GANAB: variants seen among roughly 807,000 people sequenced by gnomAD.
The protein encoded by GANAB is glucosidase II alpha subunit.
GANAB carries 35 observed loss-of-function variants against 129.9 expected under a neutral mutation model. The ratio of observed to expected loss-of-function variants is 0.27; its 90% CI spans 0.21 to 0.36. GANAB has a LOEUF of 0.36. GANAB is among the 10% of genes least tolerant of loss of function. The probability of loss-of-function intolerance (pLI) is 1.00; values close to 1 mark genes in which losing one functional copy is unlikely to be tolerated. For synonymous variants in GANAB, 482 were observed against 451.8 expected (o/e 1.07, Z -0.85); for missense variants, 939 against 1,221.0 (o/e 0.77, Z 3.44).
rs573410294 is a variant in GANAB at position 62,639,065 on chromosome 11, G to A, written c.298C>T (p.Arg100Trp). Residue 100 changes from arginine to tryptophan, a missense_variant, in exon 4 of 24, where the codon CGG (arginine) becomes TGG (tryptophan). Arg to Trp is a moderately radical substitution (Grantham distance 101, BLOSUM62 -3). Transcript: ENST00000356638. The part of the protein sequence containing the change: ...ELQGLQKNMT[R>W]FRIDELEPRR... Reference sequence around the variant, plus strand: ...GGCTCCAGCTCATCAATCCTGAACCGAGTCATGTTCTTTTGAAGCCCCTGA... The same window carrying A: ...GGCTCCAGCTCATCAATCCTGAACCAAGTCATGTTCTTTTGAAGCCCCTGA... The A allele has an allele frequency of 8.7e-6, 14 of 1,613,978 alleles. No homozygotes were observed. In the East Asian group the frequency reaches 2.5e-4, roughly 28 times the overall value.
At position 62,625,224 on chromosome 11, in the gene GANAB, A is replaced by G. The variant is rs934858110; in HGVS notation, c.*591T>C. 3 of 454,870 alleles carry G rather than the reference A, an allele frequency of 6.6e-6. No homozygotes were observed. The highest frequency in any genetic ancestry group is 1.6e-5 in the South Asian group (1 of 64,490). 28.2% of individuals were successfully genotyped at this position (454,870 alleles called of 1,614,324 possible). A position where few individuals can be genotyped will look rare whatever the true frequency, so the allele number is the denominator to read the frequency against. On this transcript the variant is annotated 3_prime_UTR_variant, in exon 24 of 24. Transcript: ENST00000356638. ...GCTCTACAAGGAATCGGGGAGAGGA[A>G]AAGGGTAGAATGAGAGGGAAAAGGA...
chr11:62,635,361 T>C (rs1465339115), intron 4 of GANAB, among the ~76,000 whole-genome samples: 2 of 151,916 alleles, frequency 1.3e-5, no homozygotes, highest in African/African-American at 2.4e-5. Context: ...TTTTGTATTT[T>C]TAGTAGAGAT....
chr11:62,631,440 C>A (rs1590803457), intron 9 of GANAB, among the ~76,000 whole-genome samples: 2 of 150,948 alleles, frequency 1.3e-5, no homozygotes, highest in South Asian at 4.2e-4. Context: ...TTTGTTAGCA[C>A]TTAATCACCC....
At chr11:62,636,808 A>G (rs1023800173) in intron 4 of GANAB, among the ~76,000 whole-genome samples, 1 of 152,142 alleles carries the variant, frequency 6.6e-6, no homozygotes, top group Admixed American at 6.6e-5. Context: ...CTGTAGTCCC[A>G]GCTACTCGGG....
At chr11:62,642,050 A>G (rs924169112) in intron 1 of GANAB, among the ~76,000 whole-genome samples, 6 of 151,816 alleles carry the variant, frequency 4.0e-5, no homozygotes, top group Non-Finnish European at 8.8e-5. Flanking sequence ...CATCTCTACT[A>G]AAAATACAAA....
intron 9 of GANAB, among the ~76,000 whole-genome samples, chr11:62,631,674 G>A (rs1035843748): frequency 2.0e-5 from 3 of 152,010 alleles, no homozygotes; most frequent in Non-Finnish European, 4.4e-5. Context: ...TGTTGGCCAG[G>A]ATGGTCTCGA....
At chr11:62,631,682 C>T (rs758355774) in intron 9 of GANAB, among the ~76,000 whole-genome samples, 9 of 152,012 alleles carry the variant, frequency 5.9e-5, no homozygotes, top group South Asian at 2.1e-4. Flanking sequence ...AGGATGGTCT[C>T]GATCTCTTGA....
At position 62,638,889 on chromosome 11, in the gene GANAB, C is replaced by T. The variant is rs142526519; in HGVS notation, c.380+94G>A. 6.2e-6 allele frequency: 8 copies of T among 1,282,280 alleles called. No individual in the cohort carries two copies. In the African/African-American group the frequency reaches 1.0e-4, roughly 17 times the overall value. The allele number at this position is 1,282,280 out of a possible 1,614,324, so 79.4% of individuals were successfully genotyped here. A position where few individuals can be genotyped will look rare whatever the true frequency, so the allele number is the denominator to read the frequency against. On this transcript the variant is annotated intron_variant, in intron 4 of 23. Transcript: ENST00000356638. ...AAGGTGCTATGCTAGTTAACTACTACCTTATTTTGGGAAAGAATATCAGCA... is the reference window on the plus strand; with the variant it reads ...AAGGTGCTATGCTAGTTAACTACTATCTTATTTTGGGAAAGAATATCAGCA...
At chr11:62,634,460 C>T (rs1206645430) in intron 5 of GANAB, 5 of 850,682 alleles carry the variant, frequency 5.9e-6, no homozygotes, top group African/African-American at 5.0e-5. Context: ...GAGTTTCAGT[C>T]GACAAACTTC....
rs774907899 is a variant in GANAB at position 62,626,873 on chromosome 11, A to G, written c.2384T>C (p.Val795Ala). Residue 795 changes from valine to alanine, a missense_variant, in exon 20 of 24, where the codon GTA (valine) becomes GCA (alanine). This residue lies in a region of GANAB where 230 missense variants were observed against 259.9 expected (regional missense o/e 0.89). Transcript: ENST00000356638. ...AGGCTTACTCACACTGCTTAGAGTT[A>G]CAGGCAGGTACAGGGTCTGGGGACC... Reference protein sequence around the residue: ...HHGPQTLYLPVTLSSIPVFQR... With the variant: ...HHGPQTLYLPATLSSIPVFQR... 4.3e-6 allele frequency: 7 copies of G among 1,609,900 alleles called. No individual in the cohort carries two copies. In the South Asian group the frequency reaches 7.7e-5, roughly 18 times the overall value.
At chr11:62,646,435 A>T in intron 1 of GANAB, 127 bp downstream of exon 1, 1 of 1,098,162 alleles carries the variant, frequency 9.1e-7, no homozygotes, top group Non-Finnish European at 1.4e-6. Flanking sequence ...GGCCGCCTCC[A>T]GAGGAACAAA....
chr11:62,626,478 G>A (rs942380796), intron 21 of GANAB, 31 bp from the exon 22 acceptor site: 13 of 1,542,472 alleles, frequency 8.4e-6, no homozygotes, highest in Non-Finnish European at 9.9e-6. Flanking sequence ...GTGAGCGCCT[G>A]AGCCCAAGAG....
Position 62,630,604 on chromosome 11 carries a change from C to G in GANAB, c.1383G>C (p.Arg461=), listed in dbSNP as rs1367942780. The change falls in exon 11 of 24, where the codon CGG becomes CGC. Residue 461 remains arginine (R), a synonymous_variant. Coordinates refer to ENST00000356638, the MANE Select transcript of GANAB (RefSeq NM_198334.3). The stretch of plus-strand genomic sequence containing the variant: ...AAGCGTGACTGCAACCCCTTACCTT[C>G]CGCCTCTTAGAAGCCAAGCGCTCAA... ...TMLERLASKR[R]KLVAIVDPHI... 6.2e-7 allele frequency: 1 copy of G among 1,611,602 alleles called. No individual in the cohort carries two copies. Among genetic ancestry groups the G allele is most frequent in the Non-Finnish European group, 8.5e-7 (1 of 1,177,912 alleles).
intron 1 of GANAB, among the ~76,000 whole-genome samples, chr11:62,645,919 T>TC (rs1944458065): frequency 6.6e-6 from 1 of 152,132 alleles, no homozygotes; most frequent in Non-Finnish European, 1.5e-5. Context: ...TCTTTTTTTT[T>TC]CCCCAGTAAT....
At chr11:62,632,175 T>C (rs1943720717) in intron 9 of GANAB, among the ~76,000 whole-genome samples, 1 of 151,916 alleles carries the variant, frequency 6.6e-6, no homozygotes, top group South Asian at 2.1e-4. Flanking sequence ...GGTTTCGCCA[T>C]GTTGGCCAGG....
chr11:62,641,569 T>C (rs1283003981), intron 1 of GANAB, among the ~76,000 whole-genome samples: 2 of 134,014 alleles, frequency 1.5e-5, no homozygotes, highest in African/African-American at 5.5e-5. Context: ...TACTAGTTTT[T>C]AATACTGCCT....
At position 62,631,064 on chromosome 11, in the gene GANAB, G is replaced by A; in HGVS notation, c.1116C>T (p.Ile372=). Reference sequence around the variant, plus strand: ...TAGCATATTGCCGGAAAACATCAGAGATGGAGGGCCCCAGCAGCAGGAAGA... The same window carrying A: ...TAGCATATTGCCGGAAAACATCAGAAATGGAGGGCCCCAGCAGCAGGAAGA... ...IDVFLLLGPS[I]SDVFRQYASL... The change falls in exon 10 of 24, where the codon ATC becomes ATT. Residue 372 remains isoleucine, a synonymous_variant. Transcript: ENST00000356638. 1 of 1,610,728 alleles carries A rather than the reference G, an allele frequency of 6.2e-7. No individual in the cohort carries two copies. Among genetic ancestry groups the A allele is most frequent in the Non-Finnish European group, 8.5e-7 (1 of 1,177,112 alleles).
At chr11:62,641,806 C>T (rs570095137) in intron 1 of GANAB, among the ~76,000 whole-genome samples, 2 of 152,196 alleles carry the variant, frequency 1.3e-5, no homozygotes, top group East Asian at 3.9e-4. Flanking sequence ...TCTTGAATTC[C>T]TGACCTCAGG....
At position 62,626,358 on chromosome 11, in the gene GANAB, G is replaced by A. The variant is rs377356565; in HGVS notation, c.2601C>T (p.Phe867=). ...ACCTGGAGACAAGGGTGTTGCCAGA[G>A]AATGAGAATCGACGCAGCAGGAACT... The part of the protein sequence containing the change: ...RQEFLLRRFS[F]SGNTLVSSSA... Residue 867 remains phenylalanine, a synonymous_variant, in exon 22 of 24, where the codon TTC becomes TTT. Coordinates refer to ENST00000356638, the MANE Select transcript of GANAB (RefSeq NM_198334.3). 6.2e-6 allele frequency: 10 copies of A among 1,611,362 alleles called. No homozygotes were observed. The highest frequency in any genetic ancestry group is 7.6e-6 in the Non-Finnish European group (9 of 1,177,412).
Sources: gnomAD v4.1 joint callset for allele counts (sites outside exome capture counted in the v4.1 genomes callset) on GRCh38, gnomAD v4.1.1 for gene constraint, gnomAD v4.1.1 regional missense constraint, MANE v1.5 for transcripts, NCBI Gene and HGNC (gene_info 2026-07-23, HGNC 2026-07-21) for gene names.